The following KDM2A variants were observed in gnomAD, a reference collection of about 807,000 sequenced individuals.
The protein encoded by KDM2A is lysine-specific demethylase 2A.
Under a neutral mutation model 137.3 loss-of-function variants are expected in KDM2A, and 3 were observed. The ratio of observed to expected loss-of-function variants is 0.02; its 90% confidence interval spans 0.01 to 0.06. KDM2A has a LOEUF of 0.06. Ranked by LOEUF, KDM2A falls within the 10% of genes least tolerant of loss-of-function variation. KDM2A has a pLI of 1.00. For synonymous variants in KDM2A, 512 were observed against 541.5 expected, an observed-to-expected ratio of 0.95 and a Z score of 0.76; for missense variants, 738 against 1,510.6, an observed-to-expected ratio of 0.49 and a Z score of 8.48.
At chr11:67,178,010 T>C (rs1857007873) in intron 2 of KDM2A, among the ~76,000 whole-genome samples, 1 of 152,246 alleles carries the variant, frequency 6.6e-6, no homozygotes, top group South Asian at 2.1e-4. Flanking sequence ...GTCATTATAC[T>C]GTGCATGACT....
At chr11:67,173,423 A>G (rs151212300) in intron 2 of KDM2A, among the ~76,000 whole-genome samples, 188 of 150,280 alleles carry the variant, frequency 1.3e-3, no homozygotes, top group African/African-American at 4.2e-3. Flanking sequence ...TTCTTGGCCT[A>G]ATTTTTGTAT....
chr11:67,189,471 T>G (rs1477109195), intron 5 of KDM2A, among the ~76,000 whole-genome samples: 1 of 152,180 alleles, frequency 6.6e-6, no homozygotes, highest in Non-Finnish European at 1.5e-5. Context: ...TGCCTATAGT[T>G]CCAGCTACTT....
intron 2 of KDM2A, among the ~76,000 whole-genome samples, chr11:67,133,510 C>G (rs914951447): frequency 4.6e-5 from 7 of 152,174 alleles, no homozygotes; most frequent in African/African-American, 1.7e-4. Flanking sequence ...TCAGGTGATT[C>G]TTCTGTCTCA....
intron 12 of KDM2A, among the ~76,000 whole-genome samples, chr11:67,242,282 G>A (rs559758191): frequency 2.8e-5 from 4 of 144,404 alleles, no homozygotes; most frequent in Non-Finnish European, 6.2e-5. Flanking sequence ...GTGTGTATGT[G>A]TGTGTGTGTG....
rs147400200 is a variant in KDM2A at position 67,146,869 on chromosome 11, T to G, written c.42+25511T>G. ...CTCCCTCACTTTCGTGGATTTTATCTATTTATTATTCCTTAACTGGAATAC... is the reference window on the plus strand; with the variant it reads ...CTCCCTCACTTTCGTGGATTTTATCGATTTATTATTCCTTAACTGGAATAC... On this transcript the variant is annotated intron_variant, in intron 2 of 20. Transcript: ENST00000529006. Among the ~76,000 whole-genome samples, 20 of 152,268 alleles carry G rather than the reference T, an allele frequency of 1.3e-4. No homozygotes were observed. The East Asian group carries it at 3.9e-3, about 29-fold the overall frequency.
chr11:67,181,476 G>C (rs1271278932), intron 4 of KDM2A, 78 bp downstream of exon 4: 4 of 893,670 alleles, frequency 4.5e-6, no homozygotes, highest in Non-Finnish European at 7.1e-6. Flanking sequence ...TGGTGGTATT[G>C]ATAACCCAAA....
rs540073404 is a variant in KDM2A at position 67,125,481 on chromosome 11, C to T, written c.42+4123C>T. Among the ~76,000 whole-genome samples the T allele has an allele frequency of 2.0e-5, 3 of 151,880 alleles. No individual in the cohort carries two copies. In the South Asian group the frequency reaches 6.2e-4, roughly 32 times the overall value. ...GGGGGGAAAAAAAAATCAGAAATAACTAGTTAAGGACTGGGTGTGGTGGCT... is the reference window on the plus strand; with the variant it reads ...GGGGGGAAAAAAAAATCAGAAATAATTAGTTAAGGACTGGGTGTGGTGGCT... On this transcript the variant is annotated intron_variant, in intron 2 of 20. Transcript: ENST00000529006.
intron 7 of KDM2A, 182 bp from the exon 8 acceptor site, chr11:67,215,674 G>GAAA: frequency 4.4e-5 from 23 of 524,684 alleles, no homozygotes; most frequent in South Asian, 3.4e-4. Context: ...CAATACGGTA[G>GAAA]AAAAAAAAAA....
chr11:67,128,009 C>CTTTTTTTTT (rs56704753), intron 2 of KDM2A, among the ~76,000 whole-genome samples: 1 of 107,886 alleles, frequency 9.3e-6, no homozygotes, highest in East Asian at 2.4e-4. Context: ...CACACCCGGC[C>CTTTTTTTTT]TTTTTTTTTT....
chr11:67,251,430 G>A (rs1475439969), intron 17 of KDM2A, among the ~76,000 whole-genome samples: 2 of 152,198 alleles, frequency 1.3e-5, no homozygotes, highest in Non-Finnish European at 2.9e-5. Flanking sequence ...GGAAAAAATT[G>A]CTAGTGATGA....
intron 2 of KDM2A, among the ~76,000 whole-genome samples, chr11:67,128,474 A>G (rs1314734236): frequency 6.6e-6 from 1 of 151,890 alleles, no homozygotes. Flanking sequence ...TAATTATTTT[A>G]TGAGATTTAG....
At chr11:67,220,679 A>C (rs536475289) in intron 10 of KDM2A, among the ~76,000 whole-genome samples, 6 of 152,308 alleles carry the variant, frequency 3.9e-5, no homozygotes, top group African/African-American at 1.4e-4. Context: ...GAGTTGACAA[A>C]CTTTTCCTGC....
chr11:67,164,261 G>A (rs1856694229), intron 2 of KDM2A, among the ~76,000 whole-genome samples: 1 of 152,034 alleles, frequency 6.6e-6, no homozygotes. Context: ...ATGTAGTTTT[G>A]CTAAACATAG....
At chr11:67,229,044 G>T (rs1378829121) in intron 11 of KDM2A, among the ~76,000 whole-genome samples, 3 of 152,106 alleles carry the variant, frequency 2.0e-5, no homozygotes, top group Non-Finnish European at 4.4e-5. Context: ...GCGTTTTATT[G>T]TATAAAGAAT....
intron 5 of KDM2A, among the ~76,000 whole-genome samples, chr11:67,206,608 T>TGCCTACCTGTAGTGG (rs1340348107): frequency 6.6e-6 from 1 of 151,956 alleles, no homozygotes; most frequent in South Asian, 2.1e-4. Context: ...TAGTGGCGTG[T>TGCCTACCTGTAGTGG]GCCTGTAGTC....
chr11:67,257,686 GTTTT>G lies in KDM2A; in HGVS notation c.*2634_*2637del. 1 of 152,288 alleles carries G rather than the reference GTTTT, an allele frequency of 6.6e-6. No homozygotes were observed. The highest frequency in any genetic ancestry group is 1.9e-4 in the East Asian group (1 of 5,190). The allele number at this position is 152,288 out of a possible 1,614,324, so 9.4% of individuals were successfully genotyped here. ...ACTTATGTTTAAAGGGTTTGGTTGT[GTTTT>G]TTGTTTTTCGGAGAAATATTGTAAA... On this transcript the variant is annotated 3_prime_UTR_variant, in exon 21 of 21. Coordinates refer to ENST00000529006, the MANE Select transcript of KDM2A (RefSeq NM_012308.3).
chr11:67,125,220 G>T (rs538103773), intron 2 of KDM2A, among the ~76,000 whole-genome samples: 1 of 148,034 alleles, frequency 6.8e-6, no homozygotes, highest in Non-Finnish European at 1.5e-5. Context: ...GGTCTTTGTC[G>T]CCCAGTCTAG....
At chr11:67,253,385 A>C in intron 18 of KDM2A, 68 bp from the exon 19 acceptor site, 1 of 1,419,718 alleles carries the variant, frequency 7.0e-7, no homozygotes, top group Non-Finnish European at 9.8e-7. Context: ...CACTTTGCTC[A>C]GATCGTTACG....
chr11:67,247,852 A>G (rs1321558169), intron 15 of KDM2A, among the ~76,000 whole-genome samples: 1 of 152,234 alleles, frequency 6.6e-6, no homozygotes, highest in African/African-American at 2.4e-5. Flanking sequence ...TTCCATGATG[A>G]TGATAATGGC....
Sources: gnomAD v4.1 joint callset for allele counts (sites outside exome capture counted in the v4.1 genomes callset) on GRCh38, gnomAD v4.1.1 for gene constraint, MANE v1.5 for transcripts, NCBI Gene and HGNC (gene_info 2026-07-23, HGNC 2026-07-21) for gene names.